The following NEGR1 variants were observed in gnomAD, a reference collection of about 807,000 sequenced individuals.
The protein encoded by NEGR1 is neuronal growth regulator 1.
NEGR1 carries 10 observed loss-of-function variants against 40.9 expected under a neutral mutation model. The ratio of observed to expected loss-of-function variants is 0.24; its 90% confidence interval spans 0.15 to 0.42. The LOEUF is 0.42. NEGR1 is among the 10% of genes least tolerant of loss of function. The probability of loss-of-function intolerance (pLI) is 1.00; values close to 1 mark genes in which losing one functional copy is unlikely to be tolerated. For missense variants in NEGR1, 352 were observed against 438.9 expected (o/e 0.80, Z 1.77); for synonymous variants, 185 against 166.8 (o/e 1.11, Z -0.84).
At chr1:72,107,912 T>TA (rs1055261756) in intron 1 of NEGR1, among the ~76,000 whole-genome samples, 30 of 149,830 alleles carry the variant, frequency 2.0e-4, no homozygotes, top group Admixed American at 6.0e-4. Context: ...TCTTCAAAGC[T>TA]AAAAAAAAAC....
chr1:72,156,710 G>A (rs934565885), intron 1 of NEGR1, among the ~76,000 whole-genome samples: 1 of 152,076 alleles, frequency 6.6e-6, no homozygotes, highest in South Asian at 2.1e-4. Context: ...CCAATGTAAA[G>A]CAGAATTGAT....
intron 1 of NEGR1, among the ~76,000 whole-genome samples, chr1:72,268,885 T>C (rs1655747629): frequency 6.7e-6 from 1 of 149,688 alleles, no homozygotes; most frequent in South Asian, 2.1e-4. Flanking sequence ...AAATGGGTTA[T>C]AAAGGTTTGA....
chr1:72,122,613 A>C (rs1649845634), intron 1 of NEGR1, among the ~76,000 whole-genome samples: 1 of 151,946 alleles, frequency 6.6e-6, no homozygotes, highest in Admixed American at 6.6e-5. Context: ...TAAATAAGGG[A>C]TTCAACAGCA....
intron 2 of NEGR1, among the ~76,000 whole-genome samples, chr1:71,814,490 C>G (rs753046708): frequency 4.6e-5 from 7 of 151,996 alleles, no homozygotes; most frequent in African/African-American, 7.2e-5. Context: ...AAAATGGTAC[C>G]AGCTCCTCTT....
At chr1:71,938,231 T>C (rs1023764688) in intron 1 of NEGR1, among the ~76,000 whole-genome samples, 1 of 152,108 alleles carries the variant, frequency 6.6e-6, no homozygotes, top group Non-Finnish European at 1.5e-5. Context: ...TAACCCAAAT[T>C]ACCATACATG....
At chr1:72,208,771 G>T (rs1027415302) in intron 1 of NEGR1, among the ~76,000 whole-genome samples, 1 of 151,258 alleles carries the variant, frequency 6.6e-6, no homozygotes, top group Non-Finnish European at 1.5e-5. Flanking sequence ...GTTTATTTAG[G>T]CTACTTTGTT....
chr1:71,871,734 T>G (rs1457638631), intron 2 of NEGR1, among the ~76,000 whole-genome samples: 1 of 152,214 alleles, frequency 6.6e-6, no homozygotes, highest in Non-Finnish European at 1.5e-5. Context: ...AAGATAGTTT[T>G]TATTGAGGCA....
intron 1 of NEGR1, among the ~76,000 whole-genome samples, chr1:71,944,166 G>A (rs1380284119): frequency 6.6e-6 from 1 of 152,322 alleles, no homozygotes; most frequent in East Asian, 1.9e-4. Context: ...GCTCTGAACC[G>A]CTGTGGGGAA....
At chr1:72,196,354 T>A (rs898838496) in intron 1 of NEGR1, among the ~76,000 whole-genome samples, 3 of 152,150 alleles carry the variant, frequency 2.0e-5, no homozygotes, top group Non-Finnish European at 4.4e-5. Flanking sequence ...ATTTTCAACA[T>A]GAATTTGTTT....
intron 1 of NEGR1, among the ~76,000 whole-genome samples, chr1:72,265,012 C>G (rs1655594547): frequency 6.6e-6 from 1 of 150,580 alleles, no homozygotes; most frequent in South Asian, 2.1e-4. Flanking sequence ...ATTTATTTAA[C>G]TGTCATTTCT....
At chr1:71,484,551 A>G (rs1306413623) in intron 6 of NEGR1, among the ~76,000 whole-genome samples, 1 of 151,828 alleles carries the variant, frequency 6.6e-6, no homozygotes, top group East Asian at 1.9e-4. Flanking sequence ...ATAAATCAAG[A>G]TATGGGAAAC....
At chr1:72,027,481 A>G (rs1256386224) in intron 1 of NEGR1, among the ~76,000 whole-genome samples, 2 of 152,164 alleles carry the variant, frequency 1.3e-5, no homozygotes, top group African/African-American at 4.8e-5. Context: ...AAAAACAAAA[A>G]ACAGAAAACC....
intron 2 of NEGR1, among the ~76,000 whole-genome samples, chr1:71,797,914 C>T (rs186276550): frequency 6.6e-6 from 1 of 151,694 alleles, no homozygotes; most frequent in Non-Finnish European, 1.5e-5. Context: ...TATTGTTTAA[C>T]CTGCATCACT....
chr1:71,722,195 A>G (rs1023488391), intron 3 of NEGR1, among the ~76,000 whole-genome samples: 9 of 152,046 alleles, frequency 5.9e-5, no homozygotes, highest in Non-Finnish European at 7.4e-5. Flanking sequence ...GGAGGTAACA[A>G]CTCACGAACT....
intron 2 of NEGR1, among the ~76,000 whole-genome samples, chr1:71,861,113 T>C (rs1434999302): frequency 7.2e-5 from 11 of 152,100 alleles, no homozygotes; most frequent in Admixed American, 5.9e-4. Flanking sequence ...ATATTGAGAA[T>C]AGTGTTTCAG....
chr1:71,487,746 T>C (rs943324107), intron 6 of NEGR1, among the ~76,000 whole-genome samples: 1 of 151,710 alleles, frequency 6.6e-6, no homozygotes, highest in Non-Finnish European at 1.5e-5. Flanking sequence ...ATTAGATTTT[T>C]TTTTTAGTAA....
chr1:71,602,329 G>A (rs1649950657), intron 5 of NEGR1, among the ~76,000 whole-genome samples: 1 of 3,958 alleles, frequency 2.5e-4, no homozygotes, highest in Non-Finnish European at 6.8e-4. Flanking sequence ...CTCACTGCAA[G>A]CTCCGCCTCC....
At chr1:72,050,981 C>T (rs985933068) in intron 1 of NEGR1, among the ~76,000 whole-genome samples, 1 of 151,356 alleles carries the variant, frequency 6.6e-6, no homozygotes, top group African/African-American at 2.4e-5. Flanking sequence ...CAGATTTGAA[C>T]CTAAGTAATT....
At chr1:71,442,729 G>T (rs1391860210) in intron 6 of NEGR1, among the ~76,000 whole-genome samples, 4 of 152,216 alleles carry the variant, frequency 2.6e-5, no homozygotes, top group Non-Finnish European at 5.9e-5. Flanking sequence ...AATTGGTCCT[G>T]TTGAAAAAGC....
Sources: gnomAD v4.1 joint callset for allele counts (sites outside exome capture counted in the v4.1 genomes callset) on GRCh38, gnomAD v4.1.1 for gene constraint, MANE v1.5 for transcripts, NCBI Gene and HGNC (gene_info 2026-07-23, HGNC 2026-07-21) for gene names.